Variants in TRAFD1 observed in about 807,000 individuals in gnomAD.
TRAFD1 encodes TRAF-type zinc finger domain-containing protein 1.
A neutral mutation model predicts 65.3 loss-of-function variants in TRAFD1; 38 were observed. That is an observed-to-expected ratio of 0.58 (90% CI 0.45 to 0.76). The LOEUF (loss-of-function observed/expected upper bound fraction) is 0.76. TRAFD1 is among the 30% of genes least tolerant of loss of function. The pLI is 0.00. For synonymous variants in TRAFD1, 223 were observed against 257.2 expected, an observed-to-expected ratio of 0.87 and a Z score of 1.27; for missense variants, 631 against 712.6, an observed-to-expected ratio of 0.89 and a Z score of 1.30.
chr12:112,136,563 G>A (rs1454680153), intron 4 of TRAFD1, among the ~76,000 whole-genome samples: 1 of 151,896 alleles, frequency 6.6e-6, no homozygotes, highest in African/African-American at 2.4e-5. Flanking sequence ...GATTAAAGGC[G>A]TGAGCCACCA....
At chr12:112,134,311 GTTTTTT>G (rs1197105787) in intron 2 of TRAFD1, among the ~76,000 whole-genome samples, 1 of 124,104 alleles carries the variant, frequency 8.1e-6, no homozygotes. Context: ...CGCCCGGCCA[GTTTTTT>G]TTTTTTTTTT....
intron 9 of TRAFD1, among the ~76,000 whole-genome samples, chr12:112,151,465 T>C (rs2030403064): frequency 6.6e-6 from 1 of 151,232 alleles, no homozygotes; most frequent in Non-Finnish European, 1.5e-5. Context: ...TGATCTTGGC[T>C]CACTGCAGTC....
intron 6 of TRAFD1, among the ~76,000 whole-genome samples, chr12:112,143,799 C>T (rs1474615757): frequency 5.1e-5 from 7 of 136,982 alleles, no homozygotes; most frequent in Non-Finnish European, 9.1e-5. Context: ...GTGGTGTGAT[C>T]GCGGCTCACT....
chr12:112,141,694 G>T (rs1188707338), intron 5 of TRAFD1, among the ~76,000 whole-genome samples: 1 of 152,084 alleles, frequency 6.6e-6, no homozygotes, highest in Non-Finnish European at 1.5e-5. Context: ...TGCTTTATAC[G>T]TATTAACTCA....
rs2079560463 is a variant in TRAFD1, at chr12:112,130,127, T to G, written c.-12-384T>G. Among the ~76,000 whole-genome samples, 1 of 149,908 alleles carries G rather than the reference T, an allele frequency of 6.7e-6. No individual in the cohort carries two copies. Among genetic ancestry groups the G allele is most frequent in the African/African-American group, 2.5e-5 (1 of 40,104 alleles). ...ACAGGCACACATCACCATGCCTGGG[T>G]AATTTTTTTTTTTTGTATTTTTTGT... is the stretch of plus-strand genomic sequence containing the variant. On this transcript the variant is annotated intron_variant, in intron 1 of 11. Transcript: ENST00000412615. This position sits in a 1 kb window ranked among gnomAD's most constrained non-coding sequence, Gnocchi z 4.4.
chr12:112,151,072 T>C lies in TRAFD1; in HGVS notation c.1280-729T>C, dbSNP rs548067820. Reference sequence around the variant, plus strand: ...GGCTGACATCATGAAACCCCGTCTCTACTAAAAATACAAAAATTAGCCGGG... The same window carrying C: ...GGCTGACATCATGAAACCCCGTCTCCACTAAAAATACAAAAATTAGCCGGG... On this transcript the variant is annotated intron_variant, in intron 9 of 11. Coordinates refer to ENST00000412615, the MANE Select transcript of TRAFD1 (RefSeq NM_006700.3). 1.6e-4 allele frequency among the ~76,000 whole-genome samples: 24 copies of C among 151,956 alleles called. No individual in the cohort carries two copies. The South Asian group carries it at 5.0e-3, about 32-fold the overall frequency.
chr12:112,141,426 A>T, intron 5 of TRAFD1: 1 of 638,122 alleles, frequency 1.6e-6, no homozygotes, highest in Non-Finnish European at 2.6e-6. Context: ...GAGTATGATG[A>T]CAGTGTTGTA....
intron 8 of TRAFD1, 78 bp downstream of exon 8, chr12:112,148,382 G>A (rs2030313394): frequency 1.6e-6 from 2 of 1,261,910 alleles, no homozygotes; most frequent in East Asian, 2.3e-5. Flanking sequence ...CACTTCCTTA[G>A]CCTTTAAGTT....
chr12:112,127,919 C>T (rs1183223572), intron 1 of TRAFD1, among the ~76,000 whole-genome samples: 1 of 151,448 alleles, frequency 6.6e-6, no homozygotes, highest in African/African-American at 2.4e-5. Flanking sequence ...TCCTGGCTGG[C>T]CTTGAACTCC....
At chr12:112,138,069 C>T (rs886893285) in intron 4 of TRAFD1, among the ~76,000 whole-genome samples, 3 of 151,984 alleles carry the variant, frequency 2.0e-5, no homozygotes, top group Non-Finnish European at 2.9e-5. Flanking sequence ...CGTGAGACCC[C>T]TATCTCTACA....
At chr12:112,125,868 C>T (rs948275480) in intron 1 of TRAFD1, 1 of 152,400 alleles carries the variant, frequency 6.6e-6, no homozygotes, top group South Asian at 2.1e-4. Context: ...TCTGGTGAGC[C>T]GGGAAGCGGG....
At chr12:112,142,019 G>C in intron 5 of TRAFD1, 70 bp from the exon 6 acceptor site, 2 of 1,541,736 alleles carry the variant, frequency 1.3e-6, no homozygotes, top group South Asian at 2.3e-5. Context: ...TATTTGCTAG[G>C]CATGGACTTG....
chr12:112,149,157 G>A (rs1225589483), intron 8 of TRAFD1, among the ~76,000 whole-genome samples: 1 of 151,894 alleles, frequency 6.6e-6, no homozygotes, highest in Non-Finnish European at 1.5e-5. Flanking sequence ...GGCAGAGGTT[G>A]CAGTGAGCCG....
chr12:112,147,964 C>T (rs575819754), intron 7 of TRAFD1, 110 bp from the exon 8 acceptor site: 222 of 1,066,200 alleles, frequency 2.1e-4, no homozygotes, highest in Non-Finnish European at 2.8e-4. Flanking sequence ...CCACCGCGCC[C>T]GGCCAAGCAT....
chr12:112,149,902 G>A (rs753461637), intron 9 of TRAFD1, 31 bp downstream of exon 9: 18 of 1,612,254 alleles, frequency 1.1e-5, no homozygotes, highest in East Asian at 2.2e-5. Context: ...AGCCAAGGCC[G>A]CAGGTCTACT....
rs1305474006 is a variant in TRAFD1 at position 112,151,673 on chromosome 12, C to G, written c.1280-128C>G. ...TCGGCCTCCCAAAGTGCTGGGTTTA[C>G]AGGCATGAGCCACCACGCCTGGCTG... On this transcript the variant is annotated intron_variant, in intron 9 of 11. Transcript: ENST00000412615. 7.8e-6 allele frequency: 7 copies of G among 894,318 alleles called. No homozygotes were observed. The Admixed American group carries it at 1.4e-4, about 18-fold the overall frequency. The allele number at this position is 894,318 out of a possible 1,614,324, so 55.4% of individuals were successfully genotyped here.
chr12:112,141,469 T>C, intron 5 of TRAFD1: 1 of 476,292 alleles, frequency 2.1e-6, no homozygotes, highest in Non-Finnish European at 3.7e-6. Context: ...TGAGTATCCC[T>C]TATCCAAAAT....
At position 112,152,763 on chromosome 12, in the gene TRAFD1, G is replaced by C. The variant is rs756341300; in HGVS notation, c.1721G>C (p.Gly574Ala). 6.2e-7 allele frequency: 1 copy of C among 1,614,124 alleles called. No individual in the cohort carries two copies. Among genetic ancestry groups the C allele is most frequent in the African/African-American group, 1.3e-5 (1 of 74,934 alleles). Residue 574 changes from glycine (G) to alanine (A), a missense_variant, in exon 12 of 12, where the codon GGG (glycine) becomes GCG (alanine). Coordinates refer to ENST00000412615, the MANE Select transcript of TRAFD1 (RefSeq NM_006700.3). This position sits in a 1 kb window ranked among gnomAD's most constrained non-coding sequence, Gnocchi z 5.0. The part of the protein sequence containing the change: ...KAKPSKQQGA[G>A]DAEEEEEE ...AAGCCTTCCAAGCAACAGGGAGCTGGGGATGCAGAAGAGGAAGAGGAGGAG... is the reference window on the plus strand; with the variant it reads ...AAGCCTTCCAAGCAACAGGGAGCTGCGGATGCAGAAGAGGAAGAGGAGGAG...
Position 112,152,666 on chromosome 12 carries a change from G to C in TRAFD1, c.1693-69G>C. 1 of 1,610,442 alleles carries C rather than the reference G, an allele frequency of 6.2e-7. No individual in the cohort carries two copies. The highest frequency in any genetic ancestry group is 8.5e-7 in the Non-Finnish European group (1 of 1,177,382). On this transcript the variant is annotated intron_variant, in intron 11 of 11. Transcript: ENST00000412615. The surrounding 1 kb of genome is among the most constrained non-coding windows in gnomAD (Gnocchi z 5.0). ...TCTAAGGAAGCGGGACATTTTCGGG[G>C]ATCCAGGGGAGGAGTAATGCTTTTT...
Sources: gnomAD v4.1 joint callset for allele counts (sites outside exome capture counted in the v4.1 genomes callset) on GRCh38, gnomAD v4.1.1 for gene constraint, Gnocchi (gnomAD v3.1) non-coding constraint, MANE v1.5 for transcripts, NCBI Gene and HGNC (gene_info 2026-07-23, HGNC 2026-07-21) for gene names.